Variants in NR3C2 observed in about 807,000 individuals in gnomAD.
The protein encoded by NR3C2 is mineralocorticoid receptor.
In NR3C2, 15 loss-of-function variants were observed where a neutral mutation model predicts 86.4. The observed-to-expected ratio is 0.17, with a 90% CI of 0.12 to 0.27. The LOEUF is 0.27. Ranked by LOEUF, NR3C2 falls within the 10% of genes least tolerant of loss-of-function variation. The probability of loss-of-function intolerance (pLI) is 1.00; values close to 1 mark genes in which losing one functional copy is unlikely to be tolerated. For missense variants in NR3C2, 960 were observed against 1,195.6 expected (o/e 0.80, Z 2.91); for synonymous variants, 458 against 450.5 (o/e 1.02, Z -0.21).
intron 2 of NR3C2, among the ~76,000 whole-genome samples, chr4:148,296,255 T>C (rs535200418): frequency 6.6e-6 from 1 of 152,066 alleles, no homozygotes; most frequent in African/African-American, 2.4e-5. Context: ...AACTTACTTA[T>C]CTGTGCTCCA....
At chr4:148,088,597 A>C (rs983129544) in intron 8 of NR3C2, among the ~76,000 whole-genome samples, 2 of 152,074 alleles carry the variant, frequency 1.3e-5, no homozygotes, top group African/African-American at 4.8e-5. Context: ...CATCATTCTC[A>C]GCAAACTAAC....
intron 6 of NR3C2, among the ~76,000 whole-genome samples, chr4:148,128,938 G>C (rs749405504): frequency 9.9e-5 from 15 of 152,196 alleles, no homozygotes; most frequent in Middle Eastern, 3.4e-3. Flanking sequence ...TCCATTTTTT[G>C]TTACTCATCA....
At chr4:148,213,369 A>G (rs1737374699) in intron 3 of NR3C2, among the ~76,000 whole-genome samples, 1 of 152,230 alleles carries the variant, frequency 6.6e-6, no homozygotes, top group South Asian at 2.1e-4. Flanking sequence ...ATCATTAGAC[A>G]TGGTGTTAAA....
intron 4 of NR3C2, among the ~76,000 whole-genome samples, chr4:148,184,542 T>A (rs561579135): frequency 6.6e-6 from 1 of 152,202 alleles, no homozygotes; most frequent in East Asian, 1.9e-4. Context: ...AATAAGACTA[T>A]ACATTTCATA....
intron 3 of NR3C2, among the ~76,000 whole-genome samples, chr4:148,201,784 A>G (rs1035535176): frequency 1.3e-5 from 2 of 152,140 alleles, no homozygotes; most frequent in African/African-American, 4.8e-5. Context: ...TGACATCTAC[A>G]GATCCATATA....
At chr4:148,101,339 T>C (rs1423000552) in intron 8 of NR3C2, among the ~76,000 whole-genome samples, 2 of 152,150 alleles carry the variant, frequency 1.3e-5, no homozygotes, top group Admixed American at 6.6e-5. Context: ...ATTAACCTTC[T>C]TGAAAGAGGT....
intron 3 of NR3C2, among the ~76,000 whole-genome samples, chr4:148,215,328 A>G (rs986786572): frequency 2.0e-5 from 3 of 152,198 alleles, no homozygotes; most frequent in African/African-American, 7.2e-5. Flanking sequence ...AGTTCACTAA[A>G]CTGCAATGTT....
intron 2 of NR3C2, among the ~76,000 whole-genome samples, chr4:148,392,511 A>G (rs766612258): frequency 1.3e-5 from 2 of 152,066 alleles, no homozygotes; most frequent in Non-Finnish European, 2.9e-5. Flanking sequence ...TTCTCACTGT[A>G]CCTTTCTTCC....
intron 3 of NR3C2, among the ~76,000 whole-genome samples, chr4:148,235,716 A>AT (rs145206606): frequency 0.22 from 32,764 of 151,462 alleles, 3,742 homozygotes; most frequent in South Asian, 0.3. Context: ...AACCAGGAGA[A>AT]TTTTTTTTAG....
At chr4:148,274,705 CTTTTTTTTTT>C (rs34170216) in intron 2 of NR3C2, among the ~76,000 whole-genome samples, 1 of 129,216 alleles carries the variant, frequency 7.7e-6, no homozygotes, top group Admixed American at 7.9e-5. Flanking sequence ...GTAGTTTTTT[CTTTTTTTTTT>C]TTTTTTTGAG....
chr4:148,366,352 G>A (rs1209785786), intron 2 of NR3C2, among the ~76,000 whole-genome samples: 6 of 17,698 alleles, frequency 3.4e-4, no homozygotes, highest in Non-Finnish European at 7.3e-4. Flanking sequence ...AGCAGAACCT[G>A]TCATAGCTCT....
At chr4:148,109,691 C>T (rs1185726341) in intron 8 of NR3C2, among the ~76,000 whole-genome samples, 1 of 152,156 alleles carries the variant, frequency 6.6e-6, no homozygotes, top group African/African-American at 2.4e-5. Flanking sequence ...GGCTGGCACA[C>T]TATGCACACT....
intron 2 of NR3C2, among the ~76,000 whole-genome samples, chr4:148,401,312 C>G (rs1293809557): frequency 6.6e-6 from 1 of 152,166 alleles, no homozygotes; most frequent in Non-Finnish European, 1.5e-5. Flanking sequence ...TGTCTCCCTA[C>G]TAGCAGAAGG....
chr4:148,272,268 C>T (rs1214662070), intron 2 of NR3C2, among the ~76,000 whole-genome samples: 1 of 152,120 alleles, frequency 6.6e-6, no homozygotes, highest in African/African-American at 2.4e-5. Context: ...CTCACTCTTA[C>T]AAAAATGTAT....
At chr4:148,359,764 T>C (rs985401409) in intron 2 of NR3C2, among the ~76,000 whole-genome samples, 1 of 152,156 alleles carries the variant, frequency 6.6e-6, no homozygotes, top group Non-Finnish European at 1.5e-5. Context: ...TACAGAATGT[T>C]ACGTGTCATT....
At chr4:148,305,895 C>T (rs756531670) in intron 2 of NR3C2, among the ~76,000 whole-genome samples, 8 of 152,114 alleles carry the variant, frequency 5.3e-5, no homozygotes, top group African/African-American at 1.4e-4. Context: ...ATTTACTGTA[C>T]GTGTCAAATA....
At chr4:148,125,442 C>G (rs568739246) in intron 6 of NR3C2, among the ~76,000 whole-genome samples, 2 of 152,256 alleles carry the variant, frequency 1.3e-5, no homozygotes, top group African/African-American at 4.8e-5. Context: ...GTTCTAATAC[C>G]CACTCCTCAA....
chr4:148,327,786 C>CA (rs1744041812), intron 2 of NR3C2, among the ~76,000 whole-genome samples: 1 of 152,206 alleles, frequency 6.6e-6, no homozygotes, highest in Admixed American at 6.5e-5. Flanking sequence ...TCTCTCAGCA[C>CA]AGACTTAACC....
chr4:148,364,983 G>A (rs920653868), intron 2 of NR3C2, among the ~76,000 whole-genome samples: 11 of 152,204 alleles, frequency 7.2e-5, no homozygotes, highest in South Asian at 2.1e-4. Context: ...ACAAAATAAC[G>A]TACACTAAGC....
Sources: allele counts gnomAD v4.1 joint callset (sites outside exome capture counted in the v4.1 genomes callset), GRCh38; gene constraint gnomAD v4.1.1; transcripts MANE v1.5; gene names NCBI Gene and HGNC (gene_info 2026-07-23, HGNC 2026-07-21).